The following LRP1B variants were observed in gnomAD, a reference collection of about 807,000 sequenced individuals.
LRP1B encodes the protein low-density lipoprotein receptor-related protein 1B.
Under a neutral mutation model 556.6 loss-of-function variants are expected in LRP1B, and 217 were observed. That is an observed-to-expected ratio of 0.39 (90% confidence interval 0.35 to 0.44). The LOEUF (loss-of-function observed/expected upper bound fraction) is 0.44. LRP1B is among the 20% of genes least tolerant of loss of function. The probability of loss-of-function intolerance (pLI) is 1.00; values close to 1 mark genes in which losing one functional copy is unlikely to be tolerated. For missense variants in LRP1B, 5,053 were observed against 5,620.8 expected (o/e 0.90, Z 3.23); for synonymous variants, 2,047 against 1,865.8 (o/e 1.10, Z -2.50).
intron 7 of LRP1B, among the ~76,000 whole-genome samples, chr2:141,181,745 T>C (rs1169241757): frequency 6.6e-6 from 1 of 151,936 alleles, no homozygotes; most frequent in Non-Finnish European, 1.5e-5. Flanking sequence ...AAGCACATTG[T>C]AATAGAGATA....
intron 20 of LRP1B, among the ~76,000 whole-genome samples, chr2:140,927,085 C>T (rs564689936): frequency 1.3e-4 from 20 of 152,316 alleles, no homozygotes; most frequent in African/African-American, 4.8e-4. Flanking sequence ...GCAGGCAGAT[C>T]ACCTGAAGTC....
intron 1 of LRP1B, among the ~76,000 whole-genome samples, chr2:141,928,711 T>A (rs1472737779): frequency 6.6e-6 from 1 of 152,090 alleles, no homozygotes; most frequent in African/African-American, 2.4e-5. Context: ...TCATGAAATC[T>A]TTCAGGCTCA....
intron 3 of LRP1B, among the ~76,000 whole-genome samples, chr2:141,401,808 T>A (rs780270075): frequency 6.6e-6 from 1 of 152,158 alleles, no homozygotes; most frequent in Non-Finnish European, 1.5e-5. Context: ...GGCACTACCA[T>A]ATGTTACAAG....
intron 2 of LRP1B, among the ~76,000 whole-genome samples, chr2:141,569,528 G>T (rs1686454958): frequency 6.6e-6 from 1 of 151,090 alleles, no homozygotes; most frequent in South Asian, 2.1e-4. Flanking sequence ...TCAAAAGTAG[G>T]CCAAAATGTT....
chr2:141,967,426 A>C (rs920314662), intron 1 of LRP1B, among the ~76,000 whole-genome samples: 77 of 152,040 alleles, frequency 5.1e-4, no homozygotes, highest in African/African-American at 1.5e-3. Flanking sequence ...GATTATCAAG[A>C]GGAGTTACTG....
chr2:141,082,391 G>T (rs2104887160), intron 7 of LRP1B, among the ~76,000 whole-genome samples: 1 of 152,290 alleles, frequency 6.6e-6, no homozygotes, highest in South Asian at 2.1e-4. Flanking sequence ...TACTTACTCA[G>T]TTGGTCCACA....
At chr2:140,567,344 C>A (rs7604266) in intron 43 of LRP1B, among the ~76,000 whole-genome samples, 150,547 of 152,266 alleles carry the variant, frequency 0.99, 74,447 homozygotes, top group Middle Eastern at 1. Context: ...TCACCACTAT[C>A]TGCTGACTTA....
intron 3 of LRP1B, among the ~76,000 whole-genome samples, chr2:141,378,944 A>G (rs767739830): frequency 1.2e-4 from 18 of 152,214 alleles, no homozygotes; most frequent in Non-Finnish European, 2.5e-4. Context: ...ACGAACAGGG[A>G]AGTGAGAATA....
chr2:141,296,204 A>T (rs1037290277), intron 3 of LRP1B, among the ~76,000 whole-genome samples: 5 of 152,208 alleles, frequency 3.3e-5, no homozygotes, highest in African/African-American at 1.2e-4. Flanking sequence ...TCAAATGAGG[A>T]AACTGAGGCC....
At chr2:141,642,190 G>A (rs540062683) in intron 2 of LRP1B, among the ~76,000 whole-genome samples, 1 of 152,020 alleles carries the variant, frequency 6.6e-6, no homozygotes, top group Non-Finnish European at 1.5e-5. Context: ...CACAAATAGG[G>A]AGTCTTAAAA....
intron 2 of LRP1B, among the ~76,000 whole-genome samples, chr2:141,643,666 A>G (rs1689428079): frequency 6.6e-6 from 1 of 152,156 alleles, no homozygotes; most frequent in Admixed American, 6.6e-5. Context: ...ATTGAGCTAA[A>G]AAGGATCAAA....
chr2:142,082,048 C>T (rs1012656593), intron 1 of LRP1B, among the ~76,000 whole-genome samples: 3 of 152,134 alleles, frequency 2.0e-5, no homozygotes, highest in Non-Finnish European at 2.9e-5. Flanking sequence ...TGCTGATGCT[C>T]ATCTGGTTTA....
At chr2:141,969,662 A>G (rs1008032450) in intron 1 of LRP1B, among the ~76,000 whole-genome samples, 18 of 151,730 alleles carry the variant, frequency 1.2e-4, no homozygotes, top group African/African-American at 4.3e-4. Flanking sequence ...ATGGACATTC[A>G]AGTTAATTCC....
At chr2:140,753,537 C>A (rs1688651844) in intron 35 of LRP1B, among the ~76,000 whole-genome samples, 1 of 152,036 alleles carries the variant, frequency 6.6e-6, no homozygotes, top group Non-Finnish European at 1.5e-5. Flanking sequence ...AGACTCAGCC[C>A]CCTACATAAC....
intron 6 of LRP1B, among the ~76,000 whole-genome samples, chr2:141,192,278 T>C (rs1290180869): frequency 6.6e-6 from 1 of 151,894 alleles, no homozygotes; most frequent in Non-Finnish European, 1.5e-5. Context: ...CATTTAAAGG[T>C]TTTCCAAATT....
At chr2:141,069,742 C>G (rs1373106228) in intron 7 of LRP1B, among the ~76,000 whole-genome samples, 1 of 152,044 alleles carries the variant, frequency 6.6e-6, no homozygotes, top group Admixed American at 6.6e-5. Context: ...GTAATTGAAA[C>G]TCTATAAACC....
rs1026611848 is a variant in LRP1B, at chr2:141,826,257, T to A, written c.83-15856A>T. On this transcript the variant is annotated intron_variant, in intron 1 of 90. Coordinates refer to ENST00000389484, the MANE Select transcript of LRP1B (RefSeq NM_018557.3). Reference sequence around the variant, plus strand: ...TGTATATTCCCATTTTACTTAAATATTTTAAATTTACCTTCATATTGGTAA... The same window carrying A: ...TGTATATTCCCATTTTACTTAAATAATTTAAATTTACCTTCATATTGGTAA... Among the ~76,000 whole-genome samples, 10 of 151,770 alleles carry A rather than the reference T, an allele frequency of 6.6e-5. No individual in the cohort carries two copies. The East Asian group carries it at 1.5e-3, about 23-fold the overall frequency.
intron 35 of LRP1B, among the ~76,000 whole-genome samples, chr2:140,728,222 C>T (rs183962205): frequency 7.7e-4 from 117 of 152,218 alleles, no homozygotes; most frequent in Admixed American, 2.2e-3. Context: ...GAATCTTTCA[C>T]ATTTTCTTAA....
chr2:141,061,908 C>T (rs1435743848), intron 8 of LRP1B, 143 bp downstream of exon 8: 13 of 646,468 alleles, frequency 2.0e-5, no homozygotes, highest in Non-Finnish European at 3.5e-5. Context: ...GTGAAAAGAA[C>T]ATTCTCCAAT....
Sources: gnomAD v4.1 joint callset for allele counts (sites outside exome capture counted in the v4.1 genomes callset) on GRCh38, gnomAD v4.1.1 for gene constraint, MANE v1.5 for transcripts, NCBI Gene and HGNC (gene_info 2026-07-23, HGNC 2026-07-21) for gene names.